ENTREP2: variants seen among roughly 807,000 people sequenced by gnomAD.
ENTREP2 encodes the protein endosomal transmembrane epsin interactor 2.
chr15:29,570,011 A>AAACCCGACGGGAGGC, the ENTREP2 span: 894 of 150,634 alleles, frequency 5.9e-3, 15 homozygotes, highest in African/African-American at 0.021. Flanking sequence ...GGCTGACCCA[A>AAACCCGACGGGAGGC]AACCCGACGG....
the ENTREP2 span, among the ~76,000 whole-genome samples, chr15:29,204,623 A>G: frequency 8.5e-5 from 13 of 152,132 alleles, no homozygotes; most frequent in African/African-American, 3.1e-4. Flanking sequence ...TCTGGGCTTC[A>G]GGTTCCCGGA....
chr15:29,568,385 A>G, the ENTREP2 span, among the ~76,000 whole-genome samples: 1 of 152,216 alleles, frequency 6.6e-6, no homozygotes, highest in African/African-American at 2.4e-5. Context: ...TCAGAATCAT[A>G]GGAAGCTAGA....
the ENTREP2 span, among the ~76,000 whole-genome samples, chr15:29,584,989 AGATCGATG>A: frequency 1.1e-5 from 1 of 92,214 alleles, no homozygotes; most frequent in Non-Finnish European, 2.4e-5. Flanking sequence ...GTAAACTCAA[AGATCGATG>A]GATAGATAGA....
chr15:29,367,880 T>G, the ENTREP2 span, among the ~76,000 whole-genome samples: 232 of 149,446 alleles, frequency 1.6e-3, no homozygotes, highest in Admixed American at 2.8e-3. Flanking sequence ...CAATAAACTA[T>G]AGTGGACAAG....
At chr15:29,504,564 TGAA>T in the ENTREP2 span, among the ~76,000 whole-genome samples, 1 of 152,194 alleles carries the variant, frequency 6.6e-6, no homozygotes. Flanking sequence ...TGAGACACCA[TGAA>T]GAAGAACTGA....
chr15:29,157,726 G>A, the ENTREP2 span, among the ~76,000 whole-genome samples: 2 of 123,090 alleles, frequency 1.6e-5, no homozygotes, highest in East Asian at 2.7e-4. Context: ...CTAAAATAGC[G>A]ACATCTTTTT....
At chr15:29,229,707 T>C in the ENTREP2 span, among the ~76,000 whole-genome samples, 1 of 152,330 alleles carries the variant, frequency 6.6e-6, no homozygotes, top group East Asian at 1.9e-4. Context: ...CTGCCCTGCA[T>C]ACTTCTCTAT....
chr15:29,669,775 A>T, the ENTREP2 span, among the ~76,000 whole-genome samples: 1 of 152,312 alleles, frequency 6.6e-6, no homozygotes, highest in African/African-American at 2.4e-5. Flanking sequence ...TGATTGAATT[A>T]CTTCCTCAGT....
At chr15:29,330,123 T>G in the ENTREP2 span, among the ~76,000 whole-genome samples, 1 of 152,092 alleles carries the variant, frequency 6.6e-6, no homozygotes, top group Non-Finnish European at 1.5e-5. Flanking sequence ...ACTGATAGTA[T>G]GTCCCCCTGA....
At chr15:29,473,218 A>C in the ENTREP2 span, among the ~76,000 whole-genome samples, 68 of 152,176 alleles carry the variant, frequency 4.5e-4, no homozygotes, top group Admixed American at 2.0e-4. Context: ...CACCATACCC[A>C]GGCTGCTCCC....
At chr15:29,163,989 A>G in the ENTREP2 span, among the ~76,000 whole-genome samples, 1 of 152,236 alleles carries the variant, frequency 6.6e-6, no homozygotes, top group Non-Finnish European at 1.5e-5. Context: ...CCTACAAGCT[A>G]GAAGGGATTG....
the ENTREP2 span, among the ~76,000 whole-genome samples, chr15:29,566,675 T>TC: frequency 6.6e-6 from 1 of 152,180 alleles, no homozygotes; most frequent in Non-Finnish European, 1.5e-5. Flanking sequence ...CAGGCTGGTC[T>TC]CCAACTCCTG....
At chr15:29,394,492 G>T in the ENTREP2 span, among the ~76,000 whole-genome samples, 15 of 152,216 alleles carry the variant, frequency 9.9e-5, no homozygotes, top group Admixed American at 9.2e-4. Flanking sequence ...GACCTGTAAA[G>T]AACAGAATAT....
the ENTREP2 span, among the ~76,000 whole-genome samples, chr15:29,176,512 G>GCATCCCTCCTCAGCTCAC: frequency 6.6e-6 from 1 of 152,196 alleles, no homozygotes; most frequent in Non-Finnish European, 1.5e-5. Flanking sequence ...GAGCAGAGAA[G>GCATCCCTCCTCAGCTCAC]CATCCCTCCT....
At chr15:29,399,170 A>G in the ENTREP2 span, among the ~76,000 whole-genome samples, 1 of 152,210 alleles carries the variant, frequency 6.6e-6, no homozygotes, top group East Asian at 1.9e-4. Context: ...AACAACCTGA[A>G]GGAGTTTGGA....
At chr15:29,386,894 T>G in the ENTREP2 span, among the ~76,000 whole-genome samples, 12 of 152,238 alleles carry the variant, frequency 7.9e-5, no homozygotes, top group South Asian at 2.1e-4. Context: ...TAAGGAGATT[T>G]TGGGCTGAGA....
At chr15:29,236,088 G>A in the ENTREP2 span, among the ~76,000 whole-genome samples, 2 of 152,118 alleles carry the variant, frequency 1.3e-5, no homozygotes, top group African/African-American at 2.4e-5. Context: ...TTTAACAGGA[G>A]TTGGTACTTT....
chr15:29,546,232 A>T, the ENTREP2 span, among the ~76,000 whole-genome samples: 3 of 152,354 alleles, frequency 2.0e-5, no homozygotes, highest in African/African-American at 4.8e-5. Context: ...CTGTAATATT[A>T]AAGCAAGCAT....
At chr15:29,269,614 C>T in the ENTREP2 span, 9 of 1,564,510 alleles carry the variant, frequency 5.8e-6, no homozygotes, top group Non-Finnish European at 7.8e-6. Context: ...TTCCCCGGCC[C>T]GCGAAGCCCC....
Sources: gnomAD v4.1 joint callset for allele counts (sites outside exome capture counted in the v4.1 genomes callset) on GRCh38, gnomAD v4.1.1 for gene constraint, MANE v1.5 for transcripts, NCBI Gene and HGNC (gene_info 2026-07-23, HGNC 2026-07-21) for gene names.